CSMD1: variants seen among roughly 807,000 people sequenced by gnomAD.
CSMD1 encodes the protein CUB and Sushi multiple domains 1.
Under a neutral mutation model 417.5 loss-of-function variants are expected in CSMD1, and 213 were observed. That is an observed-to-expected ratio of 0.51 (90% CI 0.46 to 0.57). CSMD1 has a LOEUF of 0.57. Among genes scored for constraint, CSMD1 ranks in the 20% least tolerant of loss-of-function variants. CSMD1 has a pLI of 0.00. For missense variants in CSMD1, 6,923 were observed against 4,529.7 expected (o/e 1.53, Z -15.17); for synonymous variants, 2,862 against 1,736.8 (o/e 1.65, Z -16.11).
chr8:4,087,984 C>T (rs1286859154), intron 3 of CSMD1, among the ~76,000 whole-genome samples: 2 of 152,100 alleles, frequency 1.3e-5, no homozygotes, highest in African/African-American at 4.8e-5. Flanking sequence ...CTCACTTGAC[C>T]TCTGAAGAAC....
chr8:3,535,905 T>C (rs1798176595), intron 10 of CSMD1, among the ~76,000 whole-genome samples: 1 of 152,142 alleles, frequency 6.6e-6, no homozygotes, highest in Non-Finnish European at 1.5e-5. Flanking sequence ...TTCCCCCTCC[T>C]GGTGGATGCT....
intron 1 of CSMD1, among the ~76,000 whole-genome samples, chr8:4,887,696 T>C (rs190482958): frequency 6.6e-6 from 1 of 152,072 alleles, no homozygotes; most frequent in Non-Finnish European, 1.5e-5. Flanking sequence ...TTTATTTGCT[T>C]TATTTGCTTT....
intron 4 of CSMD1, among the ~76,000 whole-genome samples, chr8:4,012,795 C>T (rs1488281613): frequency 2.0e-5 from 3 of 152,136 alleles, no homozygotes; most frequent in Non-Finnish European, 4.4e-5. Context: ...CAGTCTTCTC[C>T]ATCTCAATAA....
intron 6 of CSMD1, among the ~76,000 whole-genome samples, chr8:3,735,100 G>T (rs1441712746): frequency 1.3e-5 from 2 of 152,170 alleles, no homozygotes; most frequent in Non-Finnish European, 2.9e-5. Context: ...ATGTGAAACA[G>T]GTACATTTGC....
At chr8:3,704,126 T>G (rs1485680657) in intron 7 of CSMD1, among the ~76,000 whole-genome samples, 18 of 152,192 alleles carry the variant, frequency 1.2e-4, no homozygotes, top group Non-Finnish European at 1.8e-4. Flanking sequence ...AGAGCAGTCC[T>G]CCATCACTGT....
chr8:4,424,056 A>C (rs60683445), intron 2 of CSMD1, among the ~76,000 whole-genome samples: 1 of 152,090 alleles, frequency 6.6e-6, no homozygotes, highest in Non-Finnish European at 1.5e-5. Flanking sequence ...AATGTGGATT[A>C]CAAATATAAA....
chr8:3,200,952 G>A (rs1317597903), intron 32 of CSMD1, among the ~76,000 whole-genome samples: 3 of 152,172 alleles, frequency 2.0e-5, no homozygotes, highest in Admixed American at 6.6e-5. Flanking sequence ...CAAATAAGGG[G>A]TAGGTCATCA....
chr8:3,806,287 T>C (rs1410462790), intron 5 of CSMD1, among the ~76,000 whole-genome samples: 1 of 152,188 alleles, frequency 6.6e-6, no homozygotes, highest in Non-Finnish European at 1.5e-5. Flanking sequence ...TCATTCTGTC[T>C]ATCGTAATGA....
At position 3,142,824 on chromosome 8, in the gene CSMD1, A is replaced by G. The variant is rs1585462806; in HGVS notation, c.6032-150T>C. On this transcript the variant is annotated intron_variant, in intron 40 of 69. Coordinates refer to ENST00000635120, the MANE Select transcript of CSMD1 (RefSeq NM_033225.6). ...CCGTGGAGGACGGCATTCACTGTGG[A>G]TGACAGCAAACCCTGGCTCCATCTT... 2.3e-5 allele frequency: 17 copies of G among 723,478 alleles called. 1 individual carries two copies. In the South Asian group the frequency reaches 2.8e-4, roughly 12 times the overall value. The allele number at this position is 723,478 out of a possible 1,614,324, so 44.8% of individuals were successfully genotyped here.
At chr8:4,587,978 A>G (rs1311657989) in intron 2 of CSMD1, among the ~76,000 whole-genome samples, 1 of 152,240 alleles carries the variant, frequency 6.6e-6, no homozygotes, top group African/African-American at 2.4e-5. Context: ...AGCAACATCA[A>G]CTAGCTACTT....
At chr8:4,914,411 C>A (rs1408563070) in intron 1 of CSMD1, among the ~76,000 whole-genome samples, 1 of 151,794 alleles carries the variant, frequency 6.6e-6, no homozygotes, top group Non-Finnish European at 1.5e-5. Flanking sequence ...TCCGTCTCCA[C>A]TAAAAAATAC....
chr8:4,493,374 A>C (rs1328684044), intron 2 of CSMD1, among the ~76,000 whole-genome samples: 1 of 152,122 alleles, frequency 6.6e-6, no homozygotes, highest in Non-Finnish European at 1.5e-5. Context: ...AGTTTGGTAA[A>C]GGATTACTAC....
chr8:3,618,028 A>C (rs1029140056), intron 7 of CSMD1, among the ~76,000 whole-genome samples: 2 of 152,118 alleles, frequency 1.3e-5, no homozygotes, highest in Admixed American at 1.3e-4. Flanking sequence ...TTGAGACAGG[A>C]TCTCACTCTG....
In CSMD1 at chr8:4,650,708, A is replaced by G. The variant is rs142483751; in HGVS notation, c.86-13150T>C. On this transcript the variant is annotated intron_variant, in intron 1 of 69. Transcript: ENST00000635120. ...TTGATTCTGTGTGTGATTTTATTTT[A>G]CTGATTTCTAATTAGAGATTTGAGA... Among the ~76,000 whole-genome samples, 232 of 151,342 alleles carry G rather than the reference A, an allele frequency of 1.5e-3. 1 individual carries two copies. The highest frequency in any genetic ancestry group is 3.4e-3 in the Middle Eastern group (1 of 294).
intron 49 of CSMD1, among the ~76,000 whole-genome samples, chr8:3,075,969 T>G (rs1237797105): frequency 6.7e-6 from 1 of 149,962 alleles, no homozygotes; most frequent in Non-Finnish European, 1.5e-5. Context: ...GAGAATGGCA[T>G]GAACCTGGGA....
intron 25 of CSMD1, among the ~76,000 whole-genome samples, chr8:3,286,098 T>G (rs1225014386): frequency 3.3e-5 from 5 of 152,136 alleles, no homozygotes; most frequent in African/African-American, 1.2e-4. Flanking sequence ...GTCCTTGAGA[T>G]AGTTTGCTGA....
intron 1 of CSMD1, among the ~76,000 whole-genome samples, chr8:4,912,815 T>A (rs1458808977): frequency 1.3e-5 from 2 of 151,888 alleles, no homozygotes; most frequent in Non-Finnish European, 2.9e-5. Flanking sequence ...GCACAGAGTC[T>A]TGCTCTGTCT....
At chr8:4,753,147 G>C (rs1811441655) in intron 1 of CSMD1, among the ~76,000 whole-genome samples, 1 of 152,130 alleles carries the variant, frequency 6.6e-6, no homozygotes, top group Non-Finnish European at 1.5e-5. Context: ...GAAAGCTGAA[G>C]TCACTTGTCT....
At chr8:4,425,426 C>T (rs976844131) in intron 2 of CSMD1, among the ~76,000 whole-genome samples, 16 of 150,238 alleles carry the variant, frequency 1.1e-4, no homozygotes, top group African/African-American at 3.4e-4. Context: ...GACAGGGATG[C>T]GGAAGGATGA....
Sources: gnomAD v4.1 joint callset for allele counts (sites outside exome capture counted in the v4.1 genomes callset) on GRCh38, gnomAD v4.1.1 for gene constraint, MANE v1.5 for transcripts, NCBI Gene and HGNC (gene_info 2026-07-23, HGNC 2026-07-21) for gene names.